STX1A: variants seen among roughly 807,000 people sequenced by gnomAD.
The protein encoded by STX1A is syntaxin 1A, also known as syntaxin-1A.
STX1A carries 4 observed loss-of-function variants against 37.8 expected under a neutral mutation model. The ratio of observed to expected loss-of-function variants is 0.11; its 90% CI spans 0.05 to 0.24. The LOEUF is 0.24. STX1A is among the 10% of genes least tolerant of loss of function. The pLI, the probability that STX1A is intolerant of heterozygous loss-of-function variation, is 1.00. For missense variants in STX1A, 251 were observed against 399.9 expected (o/e 0.63, Z 3.18); for synonymous variants, 135 against 147.4 (o/e 0.92, Z 0.61).
In STX1A at chr7:73,709,202, C is replaced by T; in HGVS notation, c.31-80G>A. 1 of 1,447,996 alleles carries T rather than the reference C, an allele frequency of 6.9e-7. No individual in the cohort carries two copies. The highest frequency in any genetic ancestry group is 9.6e-7 in the Non-Finnish European group (1 of 1,045,240). The allele number at this position is 1,447,996 out of a possible 1,614,324, so 89.7% of individuals were successfully genotyped here. ...CACGCAGGTGCCCAGGGTACAGCGC[C>T]AGGGCCCTGCCCCTCCCCCTCTCCC... On this transcript the variant is annotated intron_variant, in intron 1 of 9. Coordinates refer to ENST00000222812, the MANE Select transcript of STX1A (RefSeq NM_004603.4). This position sits in a 1 kb window ranked among gnomAD's most constrained non-coding sequence, Gnocchi z 4.2.
intron 6 of STX1A, 35 bp downstream of exon 6, chr7:73,704,113 T>C (rs1488767470): frequency 3.2e-6 from 5 of 1,539,206 alleles, no homozygotes; most frequent in Non-Finnish European, 3.5e-6. Flanking sequence ...CCCTCCAGGC[T>C]CCAGGCCCCG....
At chr7:73,713,775 C>A (rs1337300185) in intron 1 of STX1A, among the ~76,000 whole-genome samples, 2 of 152,196 alleles carry the variant, frequency 1.3e-5, no homozygotes, top group African/African-American at 4.8e-5. Flanking sequence ...ATAATTAGGG[C>A]CCAGCTCCCT....
rs140052001 is a variant in STX1A, at chr7:73,708,626, C to T, written c.171G>A (p.Lys57=). ...IAENVEEVKR[K]HSAILASPNP... ...TGGGGGATGCCAGGATGGCACTGTG[C>T]TTCCGCTTCACCTCCTCCACGTTCT... is the stretch of plus-strand genomic sequence containing the variant. The change falls in exon 3 of 10, where the codon AAG becomes AAA. Residue 57 remains lysine (K), a synonymous_variant. Coordinates refer to ENST00000222812, the MANE Select transcript of STX1A (RefSeq NM_004603.4). The T allele has an allele frequency of 2.9e-4, 469 of 1,614,188 alleles. 1 individual carries two copies. The highest frequency in any genetic ancestry group is 2.8e-4 in the Non-Finnish European group (328 of 1,180,024).
intron 1 of STX1A, among the ~76,000 whole-genome samples, chr7:73,711,788 C>T (rs148336154): frequency 2.0e-5 from 3 of 152,174 alleles, no homozygotes; most frequent in African/African-American, 7.2e-5. Flanking sequence ...GCTCCTTTTC[C>T]GTGGCCAGAG....
At position 73,700,068 on chromosome 7, in the gene STX1A, A is replaced by C; in HGVS notation, c.*339T>G. 1.0e-5 allele frequency: 4 copies of C among 390,704 alleles called. No individual in the cohort carries two copies. The highest frequency in any genetic ancestry group is 5.4e-5 in the East Asian group (1 of 18,670). 24.2% of individuals were successfully genotyped at this position (390,704 alleles called of 1,614,324 possible). A position where few individuals can be genotyped will look rare whatever the true frequency, so the allele number is the denominator to read the frequency against. On this transcript the variant is annotated 3_prime_UTR_variant, in exon 10 of 10. Transcript: ENST00000222812. The surrounding 1 kb of genome is among the most constrained non-coding windows in gnomAD (Gnocchi z 4.4). ...GAGGCGAGGTTAGGGTCCCCAGGGA[A>C]GAGCAGAACCTGGGCCCACCGAGTT...
Position 73,702,517 on chromosome 7 carries a change from G to A in STX1A, c.678+328C>T. The A allele has an allele frequency of 1.7e-6, 1 of 585,816 alleles. No homozygotes were observed. The highest frequency in any genetic ancestry group is 2.8e-6 in the Non-Finnish European group (1 of 355,586). 36.3% of individuals were successfully genotyped at this position (585,816 alleles called of 1,614,324 possible). On this transcript the variant is annotated intron_variant, in intron 8 of 9. Transcript: ENST00000222812. This position sits in a 1 kb window ranked among gnomAD's most constrained non-coding sequence, Gnocchi z 4.7. Reference sequence around the variant, plus strand: ...AGGAAGCAGGTCCCTGAGCTGTCCTGGTCACTGCTATGCCTTCAGTCTCTG... The same window carrying A: ...AGGAAGCAGGTCCCTGAGCTGTCCTAGTCACTGCTATGCCTTCAGTCTCTG...
In STX1A at chr7:73,705,399, G is replaced by C. The variant is rs1373848685; in HGVS notation, c.209-175C>G. 22 of 600,250 alleles carry C rather than the reference G, an allele frequency of 3.7e-5. No individual in the cohort carries two copies. In the Admixed American group the frequency reaches 6.4e-4, roughly 17 times the overall value. 37.2% of individuals were successfully genotyped at this position (600,250 alleles called of 1,614,324 possible). A position where few individuals can be genotyped will look rare whatever the true frequency, so the allele number is the denominator to read the frequency against. ...CCCCCTCCCCCAATTCTGGGCCAGG[G>C]CTGCACCAGCTGCAGCTTCACCCCC... On this transcript the variant is annotated intron_variant, in intron 3 of 9. Transcript: ENST00000222812. This position sits in a 1 kb window ranked among gnomAD's most constrained non-coding sequence, Gnocchi z 5.2.
At position 73,704,810 on chromosome 7, in the gene STX1A, G is replaced by A. The variant is rs11980805; in HGVS notation, c.283+340C>T. The stretch of plus-strand genomic sequence containing the variant: ...GCCCCGAGGCCTTGGCACTCATGGG[G>A]TGCACGTGTCTGTTCACCCAGAATA... On this transcript the variant is annotated intron_variant, in intron 4 of 9. Coordinates refer to ENST00000222812, the MANE Select transcript of STX1A (RefSeq NM_004603.4). The A allele has an allele frequency of 7.0e-3, 3,598 of 513,602 alleles. 97 individuals are homozygous for A. Among genetic ancestry groups the A allele is most frequent in the African/African-American group, 0.058 (3,046 of 52,284 alleles). The allele number at this position is 513,602 out of a possible 1,614,324, so 31.8% of individuals were successfully genotyped here. A position where few individuals can be genotyped will look rare whatever the true frequency, so the allele number is the denominator to read the frequency against.
In STX1A at chr7:73,708,632, C is replaced by A. The variant is rs1798976189; in HGVS notation, c.165G>T (p.Lys55Asn). 1.9e-6 allele frequency: 3 copies of A among 1,614,214 alleles called. No homozygotes were observed. The highest frequency in any genetic ancestry group is 1.6e-4 in the Middle Eastern group (1 of 6,062). The change falls in exon 3 of 10, where the codon AAG becomes AAT. Residue 55 changes from lysine (K) to asparagine (N), a missense_variant. Physicochemically the swap from Lys to Asn is moderately conservative, Grantham distance 94 (BLOSUM62 0). Around this residue, in one of 2 missense-constraint regions of STX1A, gnomAD observed 214 missense variants for 367.6 expected, o/e 0.58. Transcript: ENST00000222812. ...DKIAENVEEV[K>N]RKHSAILASP... ...ATGCCAGGATGGCACTGTGCTTCCGCTTCACCTCCTCCACGTTCTCTGCGA... is the reference window on the plus strand; with the variant it reads ...ATGCCAGGATGGCACTGTGCTTCCGATTCACCTCCTCCACGTTCTCTGCGA...
chr7:73,714,161 C>T (rs369322312), intron 1 of STX1A, among the ~76,000 whole-genome samples: 4 of 151,118 alleles, frequency 2.6e-5, no homozygotes, highest in Admixed American at 1.3e-4. Context: ...CAGGCTGGAG[C>T]GCAGTGGCGC....
chr7:73,713,648 T>C (rs963504428), intron 1 of STX1A, among the ~76,000 whole-genome samples: 12 of 152,210 alleles, frequency 7.9e-5, no homozygotes, highest in African/African-American at 2.7e-4. Context: ...GAGGATTGCT[T>C]GAGCCCTGGA....
chr7:73,702,609 A>C lies in STX1A; in HGVS notation c.678+236T>G. 2.4e-6 allele frequency: 3 copies of C among 1,262,102 alleles called. No homozygotes were observed. Among genetic ancestry groups the C allele is most frequent in the Non-Finnish European group, 3.2e-6 (3 of 944,056 alleles). 78.2% of individuals were successfully genotyped at this position (1,262,102 alleles called of 1,614,324 possible). On this transcript the variant is annotated intron_variant, in intron 8 of 9. Transcript: ENST00000222812. The surrounding 1 kb of genome is among the most constrained non-coding windows in gnomAD (Gnocchi z 4.7). ...GTAGGGGAATGAGAGACGGCGGGGT[A>C]TAGAGGGTGGGGCCATGCAGGGCCT...
At chr7:73,711,427 C>G (rs1022437719) in intron 1 of STX1A, 1 of 153,694 alleles carries the variant, frequency 6.5e-6, no homozygotes, top group Non-Finnish European at 1.5e-5. Flanking sequence ...TTTAAGATAT[C>G]GTACCACCTC....
Position 73,700,662 on chromosome 7 carries a change from G to A in STX1A, c.789+68C>T. 2 of 1,588,586 alleles carry A rather than the reference G, an allele frequency of 1.3e-6. No individual in the cohort carries two copies. Among genetic ancestry groups the A allele is most frequent in the Middle Eastern group, 1.7e-4 (1 of 6,012 alleles). On this transcript the variant is annotated intron_variant, in intron 9 of 9. Transcript: ENST00000222812. This position sits in a 1 kb window ranked among gnomAD's most constrained non-coding sequence, Gnocchi z 4.4. ...AAGGGAGAGAGGTGGGATGGGGAGG[G>A]ATGTGGGATGGTTGGGGGTCCCTAA... is the stretch of plus-strand genomic sequence containing the variant.
chr7:73,709,211 G>C lies in STX1A; in HGVS notation c.31-89C>G. On this transcript the variant is annotated intron_variant, in intron 1 of 9. Transcript: ENST00000222812. The surrounding 1 kb of genome is among the most constrained non-coding windows in gnomAD (Gnocchi z 4.2). ...GCCCAGGGTACAGCGCCAGGGCCCT[G>C]CCCCTCCCCCTCTCCCTGGGGGCCT... 1 of 1,309,038 alleles carries C rather than the reference G, an allele frequency of 7.6e-7. No homozygotes were observed. Among genetic ancestry groups the C allele is most frequent in the Non-Finnish European group, 1.1e-6 (1 of 922,156 alleles). 81.1% of individuals were successfully genotyped at this position (1,309,038 alleles called of 1,614,324 possible). A position where few individuals can be genotyped will look rare whatever the true frequency, so the allele number is the denominator to read the frequency against.
rs782322051 is a variant in STX1A at position 73,702,783 on chromosome 7, G to T, written c.678+62C>A. The stretch of plus-strand genomic sequence containing the variant: ...CAGCGTGTCGGGCAGAAAGGGCGAG[G>T]TTAGTGCAGCCCTGGGTGCTGGTGT... On this transcript the variant is annotated intron_variant, in intron 8 of 9. Coordinates refer to ENST00000222812, the MANE Select transcript of STX1A (RefSeq NM_004603.4). This position sits in a 1 kb window ranked among gnomAD's most constrained non-coding sequence, Gnocchi z 4.7. 1.2e-6 allele frequency: 2 copies of T among 1,611,354 alleles called. No individual in the cohort carries two copies. Among genetic ancestry groups the T allele is most frequent in the South Asian group, 1.1e-5 (1 of 90,952 alleles).
At chr7:73,708,462 G>T in intron 3 of STX1A, 127 bp downstream of exon 3, 2 of 869,170 alleles carry the variant, frequency 2.3e-6, no homozygotes, top group Non-Finnish European at 3.6e-6. Context: ...TCCCGACCCT[G>T]GCCCGCCCAG....
At chr7:73,703,128 T>C (rs1798727564) in intron 7 of STX1A, 146 bp from the exon 8 acceptor site, 3 of 691,714 alleles carry the variant, frequency 4.3e-6, no homozygotes, top group East Asian at 5.4e-5. Flanking sequence ...CCCGCCTTGC[T>C]ACCTGGCTCT....
intron 6 of STX1A, 126 bp downstream of exon 6, chr7:73,704,022 G>C (rs1230130838): frequency 1.8e-5 from 18 of 1,017,698 alleles, no homozygotes; most frequent in Non-Finnish European, 2.2e-5. Context: ...AAACTCAGCA[G>C]CTGCCTCGGG....
Sources: gnomAD v4.1 joint callset for allele counts (sites outside exome capture counted in the v4.1 genomes callset) on GRCh38, gnomAD v4.1.1 for gene constraint, gnomAD v4.1.1 regional missense constraint, Gnocchi (gnomAD v3.1) non-coding constraint, MANE v1.5 for transcripts, NCBI Gene and HGNC (gene_info 2026-07-23, HGNC 2026-07-21) for gene names.